The following HSD17B12 variants were observed in gnomAD, a reference collection of about 807,000 sequenced individuals.
HSD17B12 encodes very-long-chain 3-oxoacyl-CoA reductase.
HSD17B12 carries 32 observed loss-of-function variants against 39.3 expected under a neutral mutation model. That is an observed-to-expected ratio of 0.81 (90% CI 0.61 to 1.09). The LOEUF is 1.09. Among genes scored for constraint, HSD17B12 ranks in the 50% least tolerant of loss-of-function variants. HSD17B12 has a pLI of 0.00. For synonymous variants in HSD17B12, 150 were observed against 146.7 expected, an observed-to-expected ratio of 1.02 and a Z score of -0.16; for missense variants, 342 against 382.9, an observed-to-expected ratio of 0.89 and a Z score of 0.89.
chr11:43,703,417 A>T (rs964708052), intron 1 of HSD17B12, among the ~76,000 whole-genome samples: 1 of 151,996 alleles, frequency 6.6e-6, no homozygotes, highest in African/African-American at 2.4e-5. Context: ...GATGGTCTCG[A>T]TCTCCCGACC....
chr11:43,569,762 T>C, the HSD17B12 span: 1 of 152,664 alleles, frequency 6.6e-6, no homozygotes, highest in Non-Finnish European at 1.5e-5. Context: ...TCTTGCTTGT[T>C]GTAGGAGCGT....
intron 1 of HSD17B12, among the ~76,000 whole-genome samples, chr11:43,714,643 G>T (rs1384062281): frequency 6.6e-5 from 10 of 152,142 alleles, no homozygotes; most frequent in East Asian, 3.9e-4. Flanking sequence ...TAAAGTAGTT[G>T]TTTCCAATTC....
At chr11:43,820,039 A>G (rs1951165923) in intron 6 of HSD17B12, among the ~76,000 whole-genome samples, 1 of 152,172 alleles carries the variant, frequency 6.6e-6, no homozygotes, top group Admixed American at 6.5e-5. Flanking sequence ...TGCAGAAGCA[A>G]TGTAGTTAAC....
At chr11:43,786,626 G>A (rs983417352) in intron 3 of HSD17B12, among the ~76,000 whole-genome samples, 1 of 152,118 alleles carries the variant, frequency 6.6e-6, no homozygotes, top group Admixed American at 6.5e-5. Flanking sequence ...AAATGATTCA[G>A]GGGAAAAAAG....
chr11:43,562,213 T>C, the HSD17B12 span, among the ~76,000 whole-genome samples: 1 of 152,224 alleles, frequency 6.6e-6, no homozygotes, highest in Non-Finnish European at 1.5e-5. Flanking sequence ...AAGGCAGATA[T>C]TAAAAATTTT....
chr11:43,714,990 G>A (rs1370000364), intron 1 of HSD17B12, among the ~76,000 whole-genome samples: 1 of 152,134 alleles, frequency 6.6e-6, no homozygotes, highest in Non-Finnish European at 1.5e-5. Flanking sequence ...CTGAGACTTT[G>A]CTGAATTTGC....
chr11:43,633,759 C>T, the HSD17B12 span, among the ~76,000 whole-genome samples: 13 of 151,922 alleles, frequency 8.6e-5, no homozygotes, highest in Admixed American at 3.3e-4. Flanking sequence ...TGGCCATCTT[C>T]CCTTGTCCAC....
intron 4 of HSD17B12, among the ~76,000 whole-genome samples, chr11:43,801,390 T>C (rs2135051334): frequency 6.6e-6 from 1 of 152,036 alleles, no homozygotes; most frequent in African/African-American, 2.4e-5. Flanking sequence ...AGCAAGACTT[T>C]GTAAGAGATT....
intron 1 of HSD17B12, among the ~76,000 whole-genome samples, chr11:43,703,485 C>T (rs1009004651): frequency 5.3e-5 from 8 of 152,192 alleles, no homozygotes; most frequent in Non-Finnish European, 1.0e-4. Flanking sequence ...TGAGCCACCG[C>T]GCCCGGCCAA....
chr11:43,655,885 G>A, the HSD17B12 span, among the ~76,000 whole-genome samples: 1 of 152,090 alleles, frequency 6.6e-6, no homozygotes, highest in African/African-American at 2.4e-5. Context: ...TTGTGTCTCC[G>A]TCAGCCTTTG....
chr11:43,789,787 A>C (rs538598887), intron 3 of HSD17B12, among the ~76,000 whole-genome samples: 15 of 152,228 alleles, frequency 9.9e-5, no homozygotes, highest in African/African-American at 3.4e-4. Flanking sequence ...CCAAAATTAG[A>C]TGGGCATGGT....
At position 43,712,210 on chromosome 11, in the gene HSD17B12, C is replaced by T. The variant is rs941794694; in HGVS notation, c.160+31223C>T. Among the ~76,000 whole-genome samples the T allele has an allele frequency of 4.1e-4, 62 of 152,164 alleles. 1 individual carries two copies. Among genetic ancestry groups the T allele is most frequent in the African/African-American group, 1.4e-3 (59 of 41,544 alleles). On this transcript the variant is annotated intron_variant, in intron 1 of 10. Transcript: ENST00000278353. ...TTGGGAGGCGGAGGCGGGCAGATCA[C>T]GAGGTCAGGAGATCAAGACCATCCT...
At chr11:43,791,550 G>GAAGAAGA (rs1950868173) in intron 3 of HSD17B12, among the ~76,000 whole-genome samples, 1 of 151,612 alleles carries the variant, frequency 6.6e-6, no homozygotes, top group Non-Finnish European at 1.5e-5. Flanking sequence ...AAAAGAAGAA[G>GAAGAAGA]AAGAAGAAGA....
At chr11:43,809,824 A>T (rs1031710244) in intron 4 of HSD17B12, among the ~76,000 whole-genome samples, 5 of 152,204 alleles carry the variant, frequency 3.3e-5, no homozygotes, top group African/African-American at 1.2e-4. Flanking sequence ...GTCTCAAAAT[A>T]AGTAAATAAA....
chr11:43,612,664 C>G, the HSD17B12 span, among the ~76,000 whole-genome samples: 2 of 152,138 alleles, frequency 1.3e-5, no homozygotes, highest in Non-Finnish European at 2.9e-5. Flanking sequence ...CCTCGGCCTC[C>G]CAAAGTGCTG....
chr11:43,838,894 A>G (rs1027261393), intron 8 of HSD17B12, among the ~76,000 whole-genome samples: 20 of 152,122 alleles, frequency 1.3e-4, no homozygotes, highest in African/African-American at 3.4e-4. Flanking sequence ...GGATTCATAG[A>G]TATTCTTTGT....
the HSD17B12 span, chr11:43,645,995 AAT>A: frequency 1.3e-5 from 2 of 152,502 alleles, no homozygotes; most frequent in Non-Finnish European, 1.5e-5. Context: ...AAAAAAAAAA[AAT>A]TAGCTGGGTG....
Position 43,831,023 on chromosome 11 carries a change from C to T in HSD17B12, c.536+13C>T, listed in dbSNP as rs775935607. The T allele has an allele frequency of 1.2e-6, 2 of 1,605,466 alleles. No individual in the cohort carries two copies. Among genetic ancestry groups the T allele is most frequent in the South Asian group, 2.2e-5 (2 of 89,856 alleles). On this transcript the variant is annotated intron_variant, in intron 7 of 10. Transcript: ENST00000278353. The surrounding 1 kb of genome is among the most constrained non-coding windows in gnomAD (Gnocchi z 4.1). Reference sequence around the variant, plus strand: ...GCATGGTGGAAAGGTGAGTCACAAGCTCACATACAAACACTGTGGAAGCAG... The same window carrying T: ...GCATGGTGGAAAGGTGAGTCACAAGTTCACATACAAACACTGTGGAAGCAG...
At chr11:43,814,815 A>ATTGT (rs1251302907) in intron 4 of HSD17B12, among the ~76,000 whole-genome samples, 2 of 152,244 alleles carry the variant, frequency 1.3e-5, no homozygotes, top group East Asian at 3.9e-4. Flanking sequence ...TCATGAAATA[A>ATTGT]TTGTTTGTTT....
Sources: allele counts gnomAD v4.1 joint callset (sites outside exome capture counted in the v4.1 genomes callset), GRCh38; gene constraint gnomAD v4.1.1; non-coding constraint Gnocchi (gnomAD v3.1); transcripts MANE v1.5; gene names NCBI Gene and HGNC (gene_info 2026-07-23, HGNC 2026-07-21).